The following INPP5B variants were observed in gnomAD, a reference collection of about 807,000 sequenced individuals.
INPP5B encodes type II inositol 1,4,5-trisphosphate 5-phosphatase.
A neutral mutation model predicts 118.5 loss-of-function variants in INPP5B; 90 were observed. That is an observed-to-expected ratio of 0.76 (90% confidence interval 0.64 to 0.90). The LOEUF (loss-of-function observed/expected upper bound fraction) is 0.90, where lower values mean the gene tolerates loss of function less well. INPP5B is among the 40% of genes least tolerant of loss of function. The pLI is 0.00. For missense variants in INPP5B, 984 were observed against 1,125.6 expected, an observed-to-expected ratio of 0.87 and a Z score of 1.80; for synonymous variants, 385 against 418.9, an observed-to-expected ratio of 0.92 and a Z score of 0.99.
intron 7 of INPP5B, among the ~76,000 whole-genome samples, chr1:37,897,034 A>G (rs1308420413): frequency 2.7e-4 from 30 of 110,994 alleles, no homozygotes; most frequent in East Asian, 9.6e-4. Flanking sequence ...GGTGAGGGGC[A>G]CCTCTGCCCG....
chr1:37,923,889 T>TAC (rs1645137104), intron 7 of INPP5B, among the ~76,000 whole-genome samples: 1 of 151,062 alleles, frequency 6.6e-6, no homozygotes, highest in African/African-American at 2.4e-5. Flanking sequence ...GATTCTTCTG[T>TAC]CTCAGCTTCC....
chr1:37,894,561 CTTTTTTTTTT>C (rs759895009), intron 7 of INPP5B, among the ~76,000 whole-genome samples: 1 of 139,044 alleles, frequency 7.2e-6, no homozygotes, highest in East Asian at 2.1e-4. Flanking sequence ...TTTCTTTTTT[CTTTTTTTTTT>C]TTTTTTTTGA....
intron 14 of INPP5B, among the ~76,000 whole-genome samples, chr1:37,882,274 C>CAT (rs1643253605): frequency 6.6e-6 from 1 of 152,142 alleles, no homozygotes. Context: ...CACAGGGAAA[C>CAT]AGATTCTCTT....
intron 17 of INPP5B, among the ~76,000 whole-genome samples, chr1:37,875,340 C>T (rs1391460282): frequency 6.6e-6 from 1 of 152,144 alleles, no homozygotes; most frequent in Non-Finnish European, 1.5e-5. Flanking sequence ...GCGATCTCGG[C>T]TCACTGCAAG....
At chr1:37,940,629 G>A in intron 6 of INPP5B, 59 bp downstream of exon 6, 1 of 939,980 alleles carries the variant, frequency 1.1e-6, no homozygotes, top group South Asian at 1.3e-5. Flanking sequence ...GTCAACTGGG[G>A]TGGGTAGGTG....
In INPP5B at chr1:37,907,457, CTT is replaced by C. The variant is rs1482474329; in HGVS notation, c.533-16005_533-16004del. Among the ~76,000 whole-genome samples the C allele has an allele frequency of 6.6e-6, 1 of 152,086 alleles. No homozygotes were observed. The highest frequency in any genetic ancestry group is 1.9e-4 in the East Asian group (1 of 5,192). ...TTTGCAACCCTTATGATTAAGGGCT[CTT>C]TTATAAAAGGGAGGGAGAAATATCA... is the stretch of plus-strand genomic sequence containing the variant. On this transcript the variant is annotated intron_variant, in intron 7 of 23. Coordinates refer to ENST00000373024, the MANE Select transcript of INPP5B (RefSeq NM_005540.3). The surrounding 1 kb of genome is among the most constrained non-coding windows in gnomAD (Gnocchi z 4.3).
intron 6 of INPP5B, among the ~76,000 whole-genome samples, chr1:37,937,374 G>A (rs1645735947): frequency 6.6e-6 from 1 of 152,166 alleles, no homozygotes; most frequent in Non-Finnish European, 1.5e-5. Flanking sequence ...GCTCACGCCT[G>A]TAATCCCAGC....
chr1:37,902,048 G>A (rs928668572), intron 7 of INPP5B, among the ~76,000 whole-genome samples: 2 of 151,230 alleles, frequency 1.3e-5, no homozygotes, highest in Admixed American at 6.6e-5. Flanking sequence ...GTGTGGTGGC[G>A]TGATCTCAGC....
chr1:37,886,406 G>C (rs756073363), intron 12 of INPP5B, among the ~76,000 whole-genome samples: 27 of 151,314 alleles, frequency 1.8e-4, no homozygotes, highest in Admixed American at 5.3e-4. Context: ...ACAGGTGTGA[G>C]CCACCACACC....
chr1:37,898,813 G>T (rs1243332791), intron 7 of INPP5B, among the ~76,000 whole-genome samples: 1 of 152,100 alleles, frequency 6.6e-6, no homozygotes, highest in Non-Finnish European at 1.5e-5. Context: ...TATCACAAAG[G>T]TATGAAACCA....
intron 19 of INPP5B, among the ~76,000 whole-genome samples, chr1:37,871,581 G>A (rs1305689688): frequency 9.2e-5 from 14 of 151,670 alleles, no homozygotes; most frequent in Non-Finnish European, 1.6e-4. Flanking sequence ...CAGCCCGGCC[G>A]ACATGGTGAA....
rs771211141 is a variant in INPP5B at position 37,864,333 on chromosome 1, G to A, written c.2605C>T (p.His869Tyr). 2 of 1,606,120 alleles carry A rather than the reference G, an allele frequency of 1.2e-6. No individual in the cohort carries two copies. Among genetic ancestry groups the A allele is most frequent in the East Asian group, 2.2e-5 (1 of 44,818 alleles). Residue 869 changes from histidine (H) to tyrosine (Y), a missense_variant, in exon 23 of 24, where the codon CAT becomes TAT. His to Tyr is a moderately conservative substitution (Grantham distance 83, BLOSUM62 2). Transcript: ENST00000373024. Reference sequence around the variant, plus strand: ...TTACCTAGAATATTCTCATCCAAATGATTTTTTGCTGAATTTTTCAGCAGT... The same window carrying A: ...TTACCTAGAATATTCTCATCCAAATAATTTTTTGCTGAATTTTTCAGCAGT... ...RELLKNSAKNHLDENILASIF... is the reference protein window; with the variant it reads ...RELLKNSAKNYLDENILASIF...
intron 7 of INPP5B, among the ~76,000 whole-genome samples, chr1:37,923,157 AT>A (rs1645113897): frequency 6.6e-6 from 1 of 152,190 alleles, no homozygotes; most frequent in Non-Finnish European, 1.5e-5. Flanking sequence ...AGAGACAGAC[AT>A]TTTTTGAGCA....
chr1:37,872,239 G>A (rs1006335133), intron 19 of INPP5B, among the ~76,000 whole-genome samples: 3 of 151,364 alleles, frequency 2.0e-5, no homozygotes, highest in African/African-American at 7.3e-5. Flanking sequence ...GCGTGGTGGC[G>A]CATGCCTGTA....
chr1:37,888,165 C>A, intron 10 of INPP5B, 78 bp downstream of exon 10: 1 of 835,544 alleles, frequency 1.2e-6, no homozygotes, highest in Non-Finnish European at 1.7e-6. Flanking sequence ...AAATCCTTCA[C>A]CTGTTGTGAA....
intron 10 of INPP5B, 60 bp downstream of exon 10, chr1:37,888,183 C>G (rs1643646360): frequency 9.4e-7 from 1 of 1,069,208 alleles, no homozygotes. Context: ...GAAGACCCAT[C>G]CTTCAACCAC....
At position 37,888,269 on chromosome 1, in the gene INPP5B, G is replaced by A; in HGVS notation, c.873C>T (p.Ile291=). Residue 291 remains isoleucine (I), a synonymous_variant, in exon 10 of 24, where the codon ATC becomes ATT. Transcript: ENST00000373024. Reference sequence around the variant, plus strand: ...CTACACAATAGACATCTGGGGCCTGGATACCATTGCTCAGCCACAGCCGGA... The same window carrying A: ...CTACACAATAGACATCTGGGGCCTGAATACCATTGCTCAGCCACAGCCGGA... The part of the protein sequence containing the change: ...ECLRLWLSNG[I]QAPDVYCVGF... The A allele has an allele frequency of 6.3e-7, 1 of 1,579,296 alleles. No individual in the cohort carries two copies. The highest frequency in any genetic ancestry group is 1.8e-5 in the Admixed American group (1 of 54,732).
chr1:37,888,316 C>T lies in INPP5B; in HGVS notation c.826G>A (p.Gly276Arg), dbSNP rs1643654928. 1 of 1,566,084 alleles carries T rather than the reference C, an allele frequency of 6.4e-7. No homozygotes were observed. The highest frequency in any genetic ancestry group is 1.4e-5 in the African/African-American group (1 of 72,512). The stretch of plus-strand genomic sequence containing the variant: ...CGGAGGCATTCTTTGGGGGACTGCC[C>T]ATTTACATTGTATGTTCCCGCAAAA... ...RFFAGTYNVN[G>R]QSPKECLRLW... Residue 276 changes from glycine (G) to arginine (R), a missense_variant, in exon 10 of 24, where the codon GGG (glycine) becomes AGG (arginine). This residue lies in a region of INPP5B where 634 missense variants were observed against 791.0 expected (regional missense o/e 0.80). Transcript: ENST00000373024.
rs796645392 is a variant in INPP5B at position 37,940,797 on chromosome 1, G to A, written c.282C>T (p.Gly94=). The stretch of plus-strand genomic sequence containing the variant: ...TGTCCAGCTGGACGGTCACATCTGA[G>A]CCTGCACAAAGGAGGCAGGAAATGA... ...VSPDGELYIL[G]SDVTVQLDTA... The change falls in exon 6 of 24, where the codon GGC becomes GGT. Residue 94 remains glycine (G), a splice_region_variant and synonymous_variant. Transcript: ENST00000373024. The A allele has an allele frequency of 6.2e-7, 1 of 1,610,118 alleles. No individual in the cohort carries two copies. The highest frequency in any genetic ancestry group is 8.5e-7 in the Non-Finnish European group (1 of 1,176,456).
Sources: allele counts gnomAD v4.1 joint callset (sites outside exome capture counted in the v4.1 genomes callset), GRCh38; gene constraint gnomAD v4.1.1; regional missense constraint gnomAD v4.1.1; non-coding constraint Gnocchi (gnomAD v3.1); transcripts MANE v1.5; gene names NCBI Gene and HGNC (gene_info 2026-07-23, HGNC 2026-07-21).